Variants in CUL1 observed in about 807,000 individuals in gnomAD.
CUL1 encodes the protein cullin-1.
Under a neutral mutation model 118.0 loss-of-function variants are expected in CUL1, and 24 were observed. The ratio of observed to expected loss-of-function variants is 0.20; its 90% CI spans 0.15 to 0.29. The LOEUF (loss-of-function observed/expected upper bound fraction) is 0.29, where lower values mean the gene tolerates loss of function less well. CUL1 is among the 10% of genes least tolerant of loss of function. The probability of loss-of-function intolerance (pLI) is 1.00; values close to 1 mark genes in which losing one functional copy is unlikely to be tolerated. For missense variants in CUL1, 361 were observed against 933.8 expected, an observed-to-expected ratio of 0.39 and a Z score of 7.99; for synonymous variants, 332 against 340.4, an observed-to-expected ratio of 0.98 and a Z score of 0.27.
rs529529570 is a variant in CUL1, at chr7:148,797,850, G to A, written c.1938G>A (p.Ser646=). 4.2e-5 allele frequency: 67 copies of A among 1,613,438 alleles called. No individual in the cohort carries two copies. The highest frequency in any genetic ancestry group is 5.3e-5 in the Non-Finnish European group (62 of 1,179,722). The stretch of plus-strand genomic sequence containing the variant: ...AAGTTTTACAGATTTTATTAAAGTC[G>A]AAGCTATTGGTAGGTTTGCGCCCTT... ...LAQVLQILLK[S]KLLVLEDENA... The change falls in exon 18 of 22, where the codon TCG becomes TCA. Residue 646 remains serine (S), a synonymous_variant. Coordinates refer to ENST00000325222, the MANE Select transcript of CUL1 (RefSeq NM_003592.3).
At chr7:148,786,455 C>A (rs1344576848) in intron 11 of CUL1, 96 bp from the exon 12 acceptor site, 10 of 954,422 alleles carry the variant, frequency 1.0e-5, no homozygotes, top group Non-Finnish European at 1.7e-5. Context: ...CTGATGAGAA[C>A]TGATCTTTTG....
rs137903571 is a variant in CUL1, at chr7:148,746,968, C to G, written c.141-7008C>G. Among the ~76,000 whole-genome samples, 369 of 152,260 alleles carry G rather than the reference C, an allele frequency of 2.4e-3. 1 individual carries two copies. Among genetic ancestry groups the G allele is most frequent in the African/African-American group, 8.4e-3 (349 of 41,566 alleles). On this transcript the variant is annotated intron_variant, in intron 2 of 21. Coordinates refer to ENST00000325222, the MANE Select transcript of CUL1 (RefSeq NM_003592.3). ...ACTAAGTTTGACAAATAGCTTGTTACGAGTTTTTTGCCATTAGGAGCAATG... is the reference window on the plus strand; with the variant it reads ...ACTAAGTTTGACAAATAGCTTGTTAGGAGTTTTTTGCCATTAGGAGCAATG...
chr7:148,726,179 G>A (rs2129459487), intron 1 of CUL1, among the ~76,000 whole-genome samples: 1 of 152,280 alleles, frequency 6.6e-6, no homozygotes, highest in Middle Eastern at 3.4e-3. Context: ...AATCAGAAAT[G>A]TAATAAAAAG....
intron 15 of CUL1, 22 bp from the exon 16 acceptor site, chr7:148,790,288 A>T (rs1800961286): frequency 6.2e-7 from 1 of 1,613,608 alleles, no homozygotes; most frequent in Admixed American, 1.7e-5. Flanking sequence ...TGTATTCCAT[A>T]TAATGCTGTC....
rs1798724558 is a variant in CUL1 at position 148,730,469 on chromosome 7, C to G, written c.140+207C>G. The stretch of plus-strand genomic sequence containing the variant: ...GCAGCACTGGGCAGTACAGTCACCA[C>G]TGGGCACATGTGGCTGTTTACATTT... On this transcript the variant is annotated intron_variant, in intron 2 of 21. Transcript: ENST00000325222. Among the ~76,000 whole-genome samples, 2 of 152,186 alleles carry G rather than the reference C, an allele frequency of 1.3e-5. 1 individual carries two copies. The highest frequency in any genetic ancestry group is 4.1e-4 in the South Asian group (2 of 4,834).
At chr7:148,769,617 G>T (rs1160475768) in intron 9 of CUL1, among the ~76,000 whole-genome samples, 2 of 152,196 alleles carry the variant, frequency 1.3e-5, no homozygotes, top group Admixed American at 1.3e-4. Flanking sequence ...TGGGAAGTCT[G>T]TTATTTCATC....
upstream of CUL1, chr7:148,698,418 G>A (rs962513054): frequency 3.3e-5 from 5 of 152,294 alleles, no homozygotes; most frequent in African/African-American, 1.2e-4. Flanking sequence ...GAGGTCCGAA[G>A]TGGCGGGAAC....
At chr7:148,783,017 C>G (rs1800693652) in intron 9 of CUL1, among the ~76,000 whole-genome samples, 1 of 152,172 alleles carries the variant, frequency 6.6e-6, no homozygotes, top group Non-Finnish European at 1.5e-5. Context: ...AAAACAGCAC[C>G]TGCTGCCCAG....
At chr7:148,786,033 AATT>A (rs1199241984) in intron 11 of CUL1, among the ~76,000 whole-genome samples, 6 of 152,170 alleles carry the variant, frequency 3.9e-5, no homozygotes, top group African/African-American at 1.4e-4. Flanking sequence ...TTCACCTTTG[AATT>A]ATTATTTGTT....
At chr7:148,738,564 C>T (rs1364320065) in intron 2 of CUL1, among the ~76,000 whole-genome samples, 1 of 152,180 alleles carries the variant, frequency 6.6e-6, no homozygotes, top group Non-Finnish European at 1.5e-5. Flanking sequence ...TACGTTCTCA[C>T]CTGCTTTCTG....
At chr7:148,786,679 C>T in intron 12 of CUL1, 80 bp downstream of exon 12, 2 of 1,146,088 alleles carry the variant, frequency 1.7e-6, no homozygotes. Flanking sequence ...TAGATGGCCT[C>T]TGAAATGTGA....
At chr7:148,766,007 ATGT>A (rs1275772322) in intron 7 of CUL1, among the ~76,000 whole-genome samples, 5 of 152,244 alleles carry the variant, frequency 3.3e-5, no homozygotes, top group African/African-American at 1.2e-4. Flanking sequence ...AATAACGATG[ATGT>A]TGTTAGGGCA....
intron 1 of CUL1, among the ~76,000 whole-genome samples, chr7:148,712,165 G>A (rs980934706): frequency 2.0e-5 from 3 of 152,232 alleles, no homozygotes; most frequent in African/African-American, 7.2e-5. Flanking sequence ...CTGATGTGCA[G>A]TGAAAGCTCT....
intron 7 of CUL1, among the ~76,000 whole-genome samples, chr7:148,763,548 C>G (rs1799907430): frequency 6.6e-6 from 1 of 152,106 alleles, no homozygotes; most frequent in African/African-American, 2.4e-5. Context: ...AATTCCTTAT[C>G]TGTAAAATGT....
rs1554465923 is a variant in CUL1 at position 148,737,571 on chromosome 7, T to TATA, written c.140+7309_140+7310insATA. On this transcript the variant is annotated intron_variant, in intron 2 of 21. Transcript: ENST00000325222. ...ATGTGTGTGTGTGTATATATATATA[T>TATA]TTTTATATTTATTTATTTATTTATT... Among the ~76,000 whole-genome samples, 11 of 113,668 alleles carry TATA rather than the reference T, an allele frequency of 9.7e-5. No individual in the cohort carries two copies. The East Asian group carries it at 1.8e-3, about 18-fold the overall frequency. 74.6% of individuals were successfully genotyped at this position (113,668 alleles called of 152,430 possible).
chr7:148,746,012 A>G (rs972764597), intron 2 of CUL1, among the ~76,000 whole-genome samples: 1 of 152,294 alleles, frequency 6.6e-6, no homozygotes, highest in Middle Eastern at 3.4e-3. Flanking sequence ...CTGAGTAGAA[A>G]CTTCAAAACA....
intron 2 of CUL1, among the ~76,000 whole-genome samples, chr7:148,752,990 C>T (rs950146525): frequency 2.0e-5 from 3 of 152,214 alleles, no homozygotes; most frequent in South Asian, 2.1e-4. Flanking sequence ...TAGAAAGGGC[C>T]GCTCCAGCCT....
intron 1 of CUL1, among the ~76,000 whole-genome samples, chr7:148,726,604 A>T (rs1417216563): frequency 6.6e-6 from 1 of 152,172 alleles, no homozygotes; most frequent in Non-Finnish European, 1.5e-5. Flanking sequence ...AAGAACCTAA[A>T]ATTCAGACTA....
intron 16 of CUL1, among the ~76,000 whole-genome samples, chr7:148,791,557 A>G (rs1032343936): frequency 1.3e-5 from 2 of 152,220 alleles, no homozygotes; most frequent in African/African-American, 2.4e-5. Context: ...TTGACGGTGG[A>G]GGCTTTGCCT....
Sources: gnomAD v4.1 joint callset for allele counts (sites outside exome capture counted in the v4.1 genomes callset) on GRCh38, gnomAD v4.1.1 for gene constraint, MANE v1.5 for transcripts, NCBI Gene and HGNC (gene_info 2026-07-23, HGNC 2026-07-21) for gene names.